Variants in AKAP7 observed in about 807,000 individuals in gnomAD.
AKAP7 encodes the protein A kinase (PRKA) anchor protein 7.
AKAP7 carries 39 observed loss-of-function variants against 39.5 expected under a neutral mutation model. The ratio of observed to expected loss-of-function variants is 0.99; its 90% CI spans 0.76 to 1.29. AKAP7 has a LOEUF of 1.29. Ranked by LOEUF, AKAP7 falls within the 50% of genes most tolerant of loss-of-function variation. The pLI, the probability that AKAP7 is intolerant of heterozygous loss-of-function variation, is 0.00. For missense variants in AKAP7, 414 were observed against 407.7 expected (o/e 1.02, Z -0.13); for synonymous variants, 140 against 139.1 (o/e 1.01, Z -0.05).
chr6:131,129,030 T>G, the AKAP7 span, among the ~76,000 whole-genome samples: 1 of 151,992 alleles, frequency 6.6e-6, no homozygotes, highest in African/African-American at 2.4e-5. Context: ...CTCACGCCTG[T>G]AATCCCAGCA....
chr6:131,166,033 G>A (rs1390740579), intron 4 of AKAP7, among the ~76,000 whole-genome samples: 2 of 152,076 alleles, frequency 1.3e-5, no homozygotes, highest in African/African-American at 4.8e-5. Context: ...AAGGGATTGA[G>A]GAAAAGGTAA....
At chr6:131,256,061 C>T (rs75839027) in intron 7 of AKAP7, among the ~76,000 whole-genome samples, 195 of 152,290 alleles carry the variant, frequency 1.3e-3, no homozygotes, top group African/African-American at 4.5e-3. Context: ...TTCTCAGTTA[C>T]AGTCTCCCGG....
At chr6:131,155,320 A>G (rs1029732332) in intron 2 of AKAP7, among the ~76,000 whole-genome samples, 11 of 152,180 alleles carry the variant, frequency 7.2e-5, no homozygotes, top group African/African-American at 2.4e-4. Flanking sequence ...GGCCAAAGAT[A>G]GTATTTTGAA....
chr6:131,179,893 A>G (rs902336715), intron 5 of AKAP7, among the ~76,000 whole-genome samples: 34 of 149,926 alleles, frequency 2.3e-4, no homozygotes, highest in Non-Finnish European at 8.9e-5. Flanking sequence ...ATAAATAAAT[A>G]AATAATAAAT....
chr6:131,158,465 A>G (rs1388007733), intron 2 of AKAP7, among the ~76,000 whole-genome samples: 3 of 152,116 alleles, frequency 2.0e-5, no homozygotes, highest in African/African-American at 7.2e-5. Context: ...CAGAAAATAT[A>G]TCTGAATTTT....
intron 7 of AKAP7, among the ~76,000 whole-genome samples, chr6:131,234,251 T>C (rs1570348): frequency 0.12 from 18,659 of 152,232 alleles, 1,330 homozygotes; most frequent in Non-Finnish European, 0.15. Context: ...CCAAGCATTA[T>C]GATGTGTATT....
At chr6:131,164,828 A>C (rs1468692034) in intron 3 of AKAP7, among the ~76,000 whole-genome samples, 1 of 152,172 alleles carries the variant, frequency 6.6e-6, no homozygotes, top group Non-Finnish European at 1.5e-5. Flanking sequence ...CTGCAAAATA[A>C]GGGTGTTGGG....
chr6:131,133,461 T>G (rs1800370866), upstream of AKAP7, among the ~76,000 whole-genome samples: 1 of 152,228 alleles, frequency 6.6e-6, no homozygotes, highest in South Asian at 2.1e-4. Flanking sequence ...CCCTGTCATT[T>G]CTAAAAGAAG....
chr6:131,250,682 G>A (rs1585177932), intron 7 of AKAP7: 1 of 1,543,974 alleles, frequency 6.5e-7, no homozygotes, highest in Admixed American at 1.7e-5. Flanking sequence ...GTCTTCTAGG[G>A]GTAGTTTTGC....
At chr6:131,279,491 T>A (rs1467981699) in intron 7 of AKAP7, among the ~76,000 whole-genome samples, 2 of 152,128 alleles carry the variant, frequency 1.3e-5, no homozygotes, top group Non-Finnish European at 2.9e-5. Context: ...ATGGTCTCGA[T>A]CTCTTGACCT....
At chr6:131,244,790 A>G (rs1217494685) in intron 7 of AKAP7, among the ~76,000 whole-genome samples, 1 of 152,144 alleles carries the variant, frequency 6.6e-6, no homozygotes, top group African/African-American at 2.4e-5. Flanking sequence ...CTAAATGCAC[A>G]TATGCTGTAT....
At chr6:131,253,663 T>C (rs542548168) in intron 7 of AKAP7, among the ~76,000 whole-genome samples, 4 of 49,882 alleles carry the variant, frequency 8.0e-5, no homozygotes, top group East Asian at 5.4e-4. Flanking sequence ...GATCTACTTA[T>C]TTATTTATTT....
At position 131,135,669 on chromosome 6, in the gene AKAP7, C is replaced by T. The variant is rs898073440; in HGVS notation, c.-95C>T. On this transcript the variant is annotated 5_prime_UTR_variant, in exon 1 of 8. Transcript: ENST00000431975. Reference sequence around the variant, plus strand: ...CCGCCCTCAGGCCCCGAGCCCCGCCCTGGCCTCCGCCTCGGCCTCGCCTCC... The same window carrying T: ...CCGCCCTCAGGCCCCGAGCCCCGCCTTGGCCTCCGCCTCGGCCTCGCCTCC... The T allele has an allele frequency of 1.8e-4, 189 of 1,060,702 alleles. 1 individual carries two copies. In the African/African-American group the frequency reaches 3.0e-3, roughly 17 times the overall value. 65.7% of individuals were successfully genotyped at this position (1,060,702 alleles called of 1,614,324 possible).
chr6:131,170,635 T>G (rs762660629), intron 5 of AKAP7, among the ~76,000 whole-genome samples: 7 of 152,254 alleles, frequency 4.6e-5, no homozygotes, highest in Non-Finnish European at 1.0e-4. Context: ...ATTGCCTCTT[T>G]GCAGTTTAAT....
chr6:131,196,689 A>C (rs1279426132), intron 5 of AKAP7, among the ~76,000 whole-genome samples: 1 of 152,128 alleles, frequency 6.6e-6, no homozygotes, highest in Admixed American at 6.6e-5. Flanking sequence ...GAATTGGCTT[A>C]ATAGTATTAG....
chr6:131,277,481 C>T (rs1017798405), intron 7 of AKAP7, among the ~76,000 whole-genome samples: 5 of 152,180 alleles, frequency 3.3e-5, no homozygotes, highest in African/African-American at 9.7e-5. Flanking sequence ...GTTGCGCCAG[C>T]ATGTTGAACT....
Position 131,198,776 on chromosome 6 carries a change from C to A in AKAP7, c.590-685C>A, listed in dbSNP as rs188617967. On this transcript the variant is annotated intron_variant, in intron 5 of 7. Transcript: ENST00000431975. Reference sequence around the variant, plus strand: ...GTACTAGACACTCTTCCCTCTAATCCTTTTGAATGTGTTTTTCCCCAGCCT... The same window carrying A: ...GTACTAGACACTCTTCCCTCTAATCATTTTGAATGTGTTTTTCCCCAGCCT... Among the ~76,000 whole-genome samples, 182 of 152,292 alleles carry A rather than the reference C, an allele frequency of 1.2e-3. 1 individual carries two copies. The highest frequency in any genetic ancestry group is 4.3e-3 in the African/African-American group (177 of 41,558).
chr6:131,219,727 T>C lies in AKAP7; in HGVS notation c.769T>C (p.Leu257=). 1.3e-6 allele frequency: 2 copies of C among 1,598,350 alleles called. No individual in the cohort carries two copies. Among genetic ancestry groups the C allele is most frequent in the Non-Finnish European group, 1.7e-6 (2 of 1,171,294 alleles). Residue 257 remains leucine (L), a synonymous_variant, in exon 7 of 8, where the codon TTA becomes CTA. Transcript: ENST00000431975. ...CAGTCACAGATTTGGAGAAGAAATA[T>C]TATATCGCATAGATCTTTGCTCCAT... ...FISHRFGEEI[L]YRIDLCSMLK... is the part of the protein sequence containing the mutation.
chr6:131,133,102 CT>C (rs1447702125), upstream of AKAP7, among the ~76,000 whole-genome samples: 1 of 152,012 alleles, frequency 6.6e-6, no homozygotes, highest in Non-Finnish European at 1.5e-5. Context: ...ATTGAAAATT[CT>C]TCTGTGCAAA....
Sources: gnomAD v4.1 joint callset for allele counts (sites outside exome capture counted in the v4.1 genomes callset) on GRCh38, gnomAD v4.1.1 for gene constraint, MANE v1.5 for transcripts, NCBI Gene and HGNC (gene_info 2026-07-23, HGNC 2026-07-21) for gene names.